The following PARP8 variants were observed in gnomAD, a reference collection of about 807,000 sequenced individuals.
The protein encoded by PARP8 is protein mono-ADP-ribosyltransferase PARP8.
PARP8 carries 51 observed loss-of-function variants against 124.1 expected under a neutral mutation model. The observed-to-expected ratio is 0.41, with a 90% CI of 0.33 to 0.52. The LOEUF (loss-of-function observed/expected upper bound fraction) is 0.52, where lower values mean the gene tolerates loss of function less well. Among genes scored for constraint, PARP8 ranks in the 20% least tolerant of loss-of-function variants. The pLI is 0.21. For missense variants in PARP8, 860 were observed against 1,018.9 expected (o/e 0.84, Z 2.12); for synonymous variants, 391 against 361.5 (o/e 1.08, Z -0.93).
At chr5:50,673,867 T>C (rs1038254843) in intron 2 of PARP8, among the ~76,000 whole-genome samples, 1 of 152,248 alleles carries the variant, frequency 6.6e-6, no homozygotes, top group African/African-American at 2.4e-5. Flanking sequence ...AAAAGACATA[T>C]AGCTGAAATT....
At chr5:50,806,915 A>G (rs1743906404) in intron 14 of PARP8, among the ~76,000 whole-genome samples, 1 of 152,090 alleles carries the variant, frequency 6.6e-6, no homozygotes, top group Non-Finnish European at 1.5e-5. Context: ...CATCTGACAC[A>G]TTACAGTCTG....
chr5:50,677,158 T>C (rs1393130809), intron 2 of PARP8, among the ~76,000 whole-genome samples: 2 of 152,120 alleles, frequency 1.3e-5, no homozygotes, highest in African/African-American at 4.8e-5. Flanking sequence ...GATATCACAT[T>C]TGTTAGTCTG....
chr5:50,778,631 A>C lies in PARP8; in HGVS notation c.651A>C (p.Thr217=), dbSNP rs757098839. The change falls in exon 9 of 26, where the codon ACA becomes ACC. Residue 217 remains threonine (T), a synonymous_variant. Transcript: ENST00000281631. ...PIIVRLHCSL[T]QYLNGPVPTV... ...TTGTTCGACTACACTGTTCACTTAC[A>C]CAGTATTTAAATGGCCCAGGTTAGT... 6.9e-6 allele frequency: 11 copies of C among 1,603,270 alleles called. No individual in the cohort carries two copies. The highest frequency in any genetic ancestry group is 9.4e-6 in the Non-Finnish European group (11 of 1,175,238).
chr5:50,761,783 T>C (rs770549006), intron 5 of PARP8, 38 bp from the exon 6 acceptor site: 1 of 1,314,330 alleles, frequency 7.6e-7, no homozygotes, highest in South Asian at 1.3e-5. Flanking sequence ...GTAAAATAAT[T>C]TGACCATTAA....
intron 6 of PARP8, 106 bp from the exon 7 acceptor site, chr5:50,763,042 A>G (rs1760716713): frequency 2.7e-6 from 2 of 737,826 alleles, no homozygotes; most frequent in Non-Finnish European, 4.7e-6. Context: ...TATTGAAGCT[A>G]AAAATGCCCA....
chr5:50,741,249 C>T (rs1287597867), intron 2 of PARP8, among the ~76,000 whole-genome samples: 3 of 152,014 alleles, frequency 2.0e-5, no homozygotes, highest in East Asian at 1.9e-4. Flanking sequence ...TTAATTTAAT[C>T]GAGGTGTTAG....
intron 2 of PARP8, among the ~76,000 whole-genome samples, chr5:50,717,066 A>T (rs1755390714): frequency 6.6e-6 from 1 of 152,088 alleles, no homozygotes; most frequent in African/African-American, 2.4e-5. Context: ...ATTTTATTCT[A>T]ACTATGAAGG....
intron 3 of PARP8, among the ~76,000 whole-genome samples, chr5:50,752,988 C>T (rs35328303): frequency 6.6e-6 from 1 of 151,622 alleles, no homozygotes; most frequent in Non-Finnish European, 1.5e-5. Flanking sequence ...ATTTAGAGGG[C>T]CTTTGTTGAG....
At chr5:50,793,634 T>C (rs952788155) in intron 10 of PARP8, among the ~76,000 whole-genome samples, 1 of 152,220 alleles carries the variant, frequency 6.6e-6, no homozygotes, top group Non-Finnish European at 1.5e-5. Flanking sequence ...GTTGAAGATA[T>C]AATTTGCTGA....
At chr5:50,786,372 CT>C (rs1004614256) in intron 9 of PARP8, among the ~76,000 whole-genome samples, 149 of 141,572 alleles carry the variant, frequency 1.1e-3, no homozygotes, top group African/African-American at 3.4e-3. Flanking sequence ...TTTTTTTTTT[CT>C]TTTTTTTTTC....
chr5:50,795,500 G>A, intron 12 of PARP8, 83 bp downstream of exon 12: 1 of 1,131,494 alleles, frequency 8.8e-7, no homozygotes, highest in Non-Finnish European at 1.2e-6. Flanking sequence ...ATCTGGTGGA[G>A]AAAAGAAGCA....
intron 2 of PARP8, chr5:50,668,979 T>G (rs1240785025): frequency 6.6e-6 from 1 of 152,228 alleles, no homozygotes; most frequent in African/African-American, 2.4e-5. Flanking sequence ...CCAAAATATA[T>G]CTTAGCTAAT....
At chr5:50,816,503 G>A (rs1458311128) in intron 15 of PARP8, among the ~76,000 whole-genome samples, 1 of 152,116 alleles carries the variant, frequency 6.6e-6, no homozygotes, top group African/African-American at 2.4e-5. Flanking sequence ...CTAGAGCTTA[G>A]GAATGTACAC....
intron 14 of PARP8, among the ~76,000 whole-genome samples, chr5:50,811,663 A>G (rs1197322971): frequency 1.3e-5 from 2 of 151,994 alleles, no homozygotes; most frequent in Non-Finnish European, 2.9e-5. Flanking sequence ...CTATGTATAC[A>G]TGTGCCATGT....
At chr5:50,714,673 C>T (rs1034772734) in intron 2 of PARP8, among the ~76,000 whole-genome samples, 1 of 152,070 alleles carries the variant, frequency 6.6e-6, no homozygotes, top group Non-Finnish European at 1.5e-5. Flanking sequence ...TGTGGGGTGC[C>T]CACAGGGCTG....
At chr5:50,724,005 A>G (rs1239410977) in intron 2 of PARP8, among the ~76,000 whole-genome samples, 1 of 152,134 alleles carries the variant, frequency 6.6e-6, no homozygotes, top group East Asian at 1.9e-4. Flanking sequence ...TCATTTTCAC[A>G]AAGAGAGGGT....
intron 2 of PARP8, chr5:50,668,676 G>A (rs992178360): frequency 6.6e-6 from 1 of 152,094 alleles, no homozygotes; most frequent in Non-Finnish European, 1.5e-5. Context: ...TCTTTCTTTT[G>A]GGGGAAGAAT....
chr5:50,761,316 T>C (rs114173154), intron 5 of PARP8, among the ~76,000 whole-genome samples: 2,175 of 152,248 alleles, frequency 0.014, 61 homozygotes, highest in African/African-American at 0.049. Context: ...ATCTGAATTC[T>C]GAAACAAATA....
At chr5:50,798,495 A>T (rs1348325653) in intron 14 of PARP8, among the ~76,000 whole-genome samples, 1 of 148,852 alleles carries the variant, frequency 6.7e-6, no homozygotes, top group African/African-American at 2.5e-5. Flanking sequence ...ATCTCGGCTC[A>T]CTGCAAGCTC....
Sources: allele counts gnomAD v4.1 joint callset (sites outside exome capture counted in the v4.1 genomes callset), GRCh38; gene constraint gnomAD v4.1.1; transcripts MANE v1.5; gene names NCBI Gene and HGNC (gene_info 2026-07-23, HGNC 2026-07-21).